Variants in PICALM observed in about 807,000 individuals in gnomAD.
PICALM encodes the protein phosphatidylinositol binding clathrin assembly protein, also known as phosphatidylinositol-binding clathrin assembly protein.
In PICALM, 40 loss-of-function variants were observed where a neutral mutation model predicts 80.5. The ratio of observed to expected loss-of-function variants is 0.50; its 90% CI spans 0.39 to 0.65. PICALM has a LOEUF of 0.65. Among genes scored for constraint, PICALM ranks in the 30% least tolerant of loss-of-function variants. PICALM has a pLI of 0.00. For synonymous variants in PICALM, 288 were observed against 260.3 expected (o/e 1.11, Z -1.02); for missense variants, 676 against 778.9 (o/e 0.87, Z 1.57).
rs758235812 is a variant in PICALM at position 85,982,054 on chromosome 11, T to G, written c.1517-51A>C. ...GAATTTGTAAGGAACTTTATGACGCTATGGTTTTCTAAAGGAGGTCTTTGC... is the reference window on the plus strand; with the variant it reads ...GAATTTGTAAGGAACTTTATGACGCGATGGTTTTCTAAAGGAGGTCTTTGC... On this transcript the variant is annotated intron_variant, in intron 14 of 19. Transcript: ENST00000393346. 6.4e-6 allele frequency: 10 copies of G among 1,557,374 alleles called. No individual in the cohort carries two copies. In the East Asian group the frequency reaches 2.2e-4, roughly 35 times the overall value.
At chr11:85,986,264 G>A (rs2094567201) in intron 13 of PICALM, among the ~76,000 whole-genome samples, 2 of 151,014 alleles carry the variant, frequency 1.3e-5, no homozygotes, top group African/African-American at 4.9e-5. Flanking sequence ...AGTAATTACT[G>A]CATGCCTGAA....
chr11:86,048,876 CTG>C (rs981553380), intron 1 of PICALM, among the ~76,000 whole-genome samples: 1 of 149,970 alleles, frequency 6.7e-6, no homozygotes, highest in African/African-American at 2.5e-5. Flanking sequence ...GCCTGCTAAA[CTG>C]TAACTTTTCA....
At chr11:86,043,123 C>T (rs1044293694) in intron 1 of PICALM, among the ~76,000 whole-genome samples, 4 of 152,142 alleles carry the variant, frequency 2.6e-5, no homozygotes, top group Admixed American at 2.6e-4. Flanking sequence ...TTACACATCA[C>T]CTTAGTTATA....
intron 3 of PICALM, among the ~76,000 whole-genome samples, chr11:86,023,788 A>G (rs1276138840): frequency 6.6e-6 from 1 of 152,176 alleles, no homozygotes; most frequent in Non-Finnish European, 1.5e-5. Context: ...CTGAAAATAG[A>G]GACACTCCAT....
chr11:86,037,912 T>C (rs2095871452), intron 1 of PICALM, among the ~76,000 whole-genome samples: 2 of 152,206 alleles, frequency 1.3e-5, no homozygotes, highest in Admixed American at 1.3e-4. Flanking sequence ...ACACCAGTTC[T>C]GTACTGTAAT....
chr11:85,996,992 C>G, intron 11 of PICALM, 63 bp from the exon 12 acceptor site: 1 of 872,268 alleles, frequency 1.1e-6, no homozygotes, highest in Non-Finnish European at 1.9e-6. Flanking sequence ...TTAGTGTCAC[C>G]TTCTCCACCC....
chr11:86,048,192 C>G (rs2096111369), intron 1 of PICALM, among the ~76,000 whole-genome samples: 1 of 152,190 alleles, frequency 6.6e-6, no homozygotes, highest in African/African-American at 2.4e-5. Flanking sequence ...CTTAGTATCC[C>G]AAGCTGCTCT....
intron 3 of PICALM, among the ~76,000 whole-genome samples, chr11:86,024,201 G>T (rs1272974804): frequency 6.6e-6 from 1 of 151,814 alleles, no homozygotes; most frequent in Non-Finnish European, 1.5e-5. Flanking sequence ...AAGAGAGGGG[G>T]TCTACTGTTT....
At chr11:86,018,996 T>G (rs887760086) in intron 4 of PICALM, among the ~76,000 whole-genome samples, 1 of 152,100 alleles carries the variant, frequency 6.6e-6, no homozygotes, top group African/African-American at 2.4e-5. Flanking sequence ...CTGATCCAAT[T>G]TTTATGTAAT....
At chr11:86,068,241 G>A (rs1702478565) in intron 1 of PICALM, among the ~76,000 whole-genome samples, 1 of 152,226 alleles carries the variant, frequency 6.6e-6, no homozygotes, top group South Asian at 2.1e-4. Context: ...GGCTGATGAA[G>A]AAACAATGGG....
chr11:85,991,350 T>C (rs1366428892), intron 12 of PICALM, among the ~76,000 whole-genome samples: 1 of 152,236 alleles, frequency 6.6e-6, no homozygotes, highest in Non-Finnish European at 1.5e-5. Flanking sequence ...GTTCTTGACC[T>C]TCACTGAAAT....
intron 18 of PICALM, 27 bp downstream of exon 18, chr11:85,976,595 CA>C: frequency 7.0e-7 from 1 of 1,435,950 alleles, no homozygotes; most frequent in Non-Finnish European, 9.8e-7. Flanking sequence ...ATATTTTTTC[CA>C]AAAGCTGTAC....
chr11:85,983,924 A>AATG lies in PICALM; in HGVS notation c.1457_1458insCAT (p.Asn486_Val487insIle). 1 of 1,607,660 alleles carries AATG rather than the reference A, an allele frequency of 6.2e-7. No individual in the cohort carries two copies. Among genetic ancestry groups the AATG allele is most frequent in the Non-Finnish European group, 8.5e-7 (1 of 1,175,168 alleles). On this transcript the variant is annotated inframe_insertion, in exon 14 of 20. Transcript: ENST00000393346. ...TTCCAAACACAGATTCAAAGTCAACATTAAGGCCAGCTGAAGGGTGTGGCT... is the reference window on the plus strand; with the variant it reads ...TTCCAAACACAGATTCAAAGTCAACAATGTTAAGGCCAGCTGAAGGGTGTGGCT...
chr11:85,986,439 G>A (rs1007618784), intron 13 of PICALM, among the ~76,000 whole-genome samples: 6 of 135,812 alleles, frequency 4.4e-5, no homozygotes, highest in African/African-American at 1.1e-4. Flanking sequence ...GCCGGACTGC[G>A]GACTGCAGTG....
Position 85,957,900 on chromosome 11 carries a change from T to C in PICALM, c.*1146A>G, listed in dbSNP as rs2093573669. The C allele has an allele frequency of 4.5e-6, 1 of 224,088 alleles. No homozygotes were observed. The highest frequency in any genetic ancestry group is 5.7e-5 in the Admixed American group (1 of 17,474). The allele number at this position is 224,088 out of a possible 1,614,324, so 13.9% of individuals were successfully genotyped here. ...CAAAGCACCGATCAACAGTGCAGTT[T>C]AATTCTTCGTTTACTAAACTCTTGG... On this transcript the variant is annotated 3_prime_UTR_variant, in exon 20 of 20. Coordinates refer to ENST00000393346, the MANE Select transcript of PICALM (RefSeq NM_007166.4).
At chr11:86,061,497 G>A (rs1163931745) in intron 1 of PICALM, among the ~76,000 whole-genome samples, 1 of 151,964 alleles carries the variant, frequency 6.6e-6, no homozygotes, top group Non-Finnish European at 1.5e-5. Context: ...ATATAAAGAT[G>A]GCGAGTATGC....
chr11:85,964,923 A>C (rs1406048451), intron 19 of PICALM, among the ~76,000 whole-genome samples: 4 of 152,244 alleles, frequency 2.6e-5, no homozygotes, highest in Non-Finnish European at 5.9e-5. Context: ...AGAAATTATT[A>C]CAACTGTCCT....
chr11:86,042,033 A>T (rs2095979869), intron 1 of PICALM, among the ~76,000 whole-genome samples: 2 of 152,198 alleles, frequency 1.3e-5, no homozygotes, highest in Admixed American at 1.3e-4. Context: ...GTAAACCTAG[A>T]GCTTTCCGTT....
intron 1 of PICALM, among the ~76,000 whole-genome samples, chr11:86,046,947 T>C (rs894586248): frequency 6.6e-6 from 1 of 152,244 alleles, no homozygotes; most frequent in South Asian, 2.1e-4. Flanking sequence ...CAAGATTTCT[T>C]TATACATTAC....
Sources: allele counts gnomAD v4.1 joint callset (sites outside exome capture counted in the v4.1 genomes callset), GRCh38; gene constraint gnomAD v4.1.1; transcripts MANE v1.5; gene names NCBI Gene and HGNC (gene_info 2026-07-23, HGNC 2026-07-21).